The following KAZN variants were observed in gnomAD, a reference collection of about 807,000 sequenced individuals.
KAZN encodes the protein kazrin, periplakin interacting protein.
KAZN carries 40 observed loss-of-function variants against 87.4 expected under a neutral mutation model. The ratio of observed to expected loss-of-function variants is 0.46; its 90% CI spans 0.36 to 0.60. The LOEUF is 0.60. Among genes scored for constraint, KAZN ranks in the 20% least tolerant of loss-of-function variants. The probability of loss-of-function intolerance (pLI) is 0.00; values close to 1 mark genes in which losing one functional copy is unlikely to be tolerated. For synonymous variants in KAZN, 466 were observed against 458.3 expected (o/e 1.02, Z -0.22); for missense variants, 898 against 1,073.9 (o/e 0.84, Z 2.29).
At chr1:14,560,069 C>G (rs1674159672) in intron 2 of KAZN, among the ~76,000 whole-genome samples, 1 of 152,154 alleles carries the variant, frequency 6.6e-6, no homozygotes, top group South Asian at 2.1e-4. Flanking sequence ...GGTGAATGGC[C>G]TTTCTTTAAT....
intron 1 of KAZN, among the ~76,000 whole-genome samples, chr1:14,806,845 T>C (rs1445515216): frequency 1.3e-5 from 2 of 152,152 alleles, no homozygotes; most frequent in Non-Finnish European, 2.9e-5. Flanking sequence ...TGGGTAACAT[T>C]TGTACCCACT....
chr1:14,049,233 G>A (rs866855334), intron 1 of KAZN, among the ~76,000 whole-genome samples: 13 of 151,782 alleles, frequency 8.6e-5, no homozygotes, highest in South Asian at 6.2e-4. Context: ...ACCAAACACC[G>A]CATGTTCTCA....
chr1:14,008,592 G>A (rs1267337480), intron 1 of KAZN, among the ~76,000 whole-genome samples: 4 of 152,184 alleles, frequency 2.6e-5, no homozygotes, highest in Non-Finnish European at 5.9e-5. Context: ...AAAGTTCAGT[G>A]GGATGGGCAA....
At chr1:14,625,677 T>C (rs1349957061) in intron 1 of KAZN, among the ~76,000 whole-genome samples, 2 of 152,222 alleles carry the variant, frequency 1.3e-5, no homozygotes, top group African/African-American at 2.4e-5. Flanking sequence ...ATGTGAAACT[T>C]CAATTATCAT....
rs1164220991 is a variant in KAZN, at chr1:14,949,086, G to C, written c.227-11598G>C. On this transcript the variant is annotated intron_variant, in intron 1 of 14. Transcript: ENST00000376030. The surrounding 1 kb of genome is among the most constrained non-coding windows in gnomAD (Gnocchi z 4.3). ...TCAGGGCACTTGAACCCAGGAGGCG[G>C]AGGTTGCAGTGAGCCAAGATCATGC... Among the ~76,000 whole-genome samples, 1 of 151,720 alleles carries C rather than the reference G, an allele frequency of 6.6e-6. No individual in the cohort carries two copies. Among genetic ancestry groups the C allele is most frequent in the South Asian group, 2.1e-4 (1 of 4,812 alleles).
intron 1 of KAZN, among the ~76,000 whole-genome samples, chr1:14,069,953 G>A (rs943229203): frequency 6.6e-6 from 1 of 151,904 alleles, no homozygotes; most frequent in East Asian, 1.9e-4. Context: ...GGCGGATCAC[G>A]AGGTCAGGAG....
At chr1:14,276,884 A>AT (rs1652399476) in intron 2 of KAZN, among the ~76,000 whole-genome samples, 1 of 152,172 alleles carries the variant, frequency 6.6e-6, no homozygotes, top group Non-Finnish European at 1.5e-5. Flanking sequence ...GTCATGCTGA[A>AT]TTTTTTAAAT....
At chr1:14,928,398 G>A (rs1157918416) in intron 1 of KAZN, among the ~76,000 whole-genome samples, 2 of 151,178 alleles carry the variant, frequency 1.3e-5, no homozygotes, top group African/African-American at 2.4e-5. Context: ...GCAGTGAACC[G>A]AGATCGTGCC....
intron 1 of KAZN, among the ~76,000 whole-genome samples, chr1:14,014,432 C>T (rs1274565771): frequency 1.3e-5 from 2 of 152,068 alleles, no homozygotes; most frequent in African/African-American, 4.8e-5. Flanking sequence ...GGAGAGGATG[C>T]CTGGATACTT....
At chr1:14,163,678 A>C (rs1645760143) in intron 1 of KAZN, among the ~76,000 whole-genome samples, 1 of 152,114 alleles carries the variant, frequency 6.6e-6, no homozygotes, top group African/African-American at 2.4e-5. Context: ...TTTTAGTGAG[A>C]GAGTTTAACA....
At chr1:13,992,774 C>T (rs1330252496) in intron 1 of KAZN, among the ~76,000 whole-genome samples, 8 of 152,062 alleles carry the variant, frequency 5.3e-5, no homozygotes, top group African/African-American at 4.8e-5. Flanking sequence ...TGTGGTCATC[C>T]GAGGGCTGCT....
chr1:15,063,629 G>T lies in KAZN; in HGVS notation c.1098+7G>T, dbSNP rs776501734. On this transcript the variant is annotated splice_region_variant and intron_variant, in intron 7 of 14. Coordinates refer to ENST00000376030, the MANE Select transcript of KAZN (RefSeq NM_201628.3). The stretch of plus-strand genomic sequence containing the variant: ...GCACAACCCTATTGTACAGGTAGGT[G>T]TGCCCTCCCTGGCCACTTGAACCCT... 6.2e-7 allele frequency: 1 copy of T among 1,611,612 alleles called. No homozygotes were observed. Among genetic ancestry groups the T allele is most frequent in the South Asian group, 1.1e-5 (1 of 91,032 alleles).
intron 1 of KAZN, among the ~76,000 whole-genome samples, chr1:14,842,877 G>C (rs1057138355): frequency 3.9e-5 from 6 of 152,128 alleles, no homozygotes; most frequent in Admixed American, 3.3e-4. Context: ...CAGCTCCCTG[G>C]AGTCAAGGAC....
At chr1:14,314,474 C>A (rs1557633893) in intron 2 of KAZN, among the ~76,000 whole-genome samples, 2 of 152,078 alleles carry the variant, frequency 1.3e-5, no homozygotes, top group African/African-American at 2.4e-5. Flanking sequence ...ACATGAGATT[C>A]CTGTTGGCTT....
At chr1:14,667,900 C>T (rs1191172934) in intron 1 of KAZN, among the ~76,000 whole-genome samples, 2 of 152,022 alleles carry the variant, frequency 1.3e-5, no homozygotes, top group African/African-American at 4.8e-5. Context: ...TGAAGCCAAA[C>T]CGGAACAAAA....
At chr1:13,905,909 C>G (rs1217952343) in intron 1 of KAZN, among the ~76,000 whole-genome samples, 1 of 152,176 alleles carries the variant, frequency 6.6e-6, no homozygotes, top group African/African-American at 2.4e-5. Flanking sequence ...ATCAGTATCT[C>G]TGGACTGAAA....
At chr1:14,547,026 A>G (rs1288871627) in intron 2 of KAZN, among the ~76,000 whole-genome samples, 1 of 152,186 alleles carries the variant, frequency 6.6e-6, no homozygotes, top group Non-Finnish European at 1.5e-5. Context: ...ACAGAATCCA[A>G]GCTTAAATCA....
chr1:14,313,308 CAT>C (rs1557633199), intron 2 of KAZN, among the ~76,000 whole-genome samples: 1 of 152,134 alleles, frequency 6.6e-6, no homozygotes, highest in Non-Finnish European at 1.5e-5. Flanking sequence ...TAAATAGAAT[CAT>C]GTGTACTCTT....
intron 2 of KAZN, among the ~76,000 whole-genome samples, chr1:14,306,655 C>A (rs2027316): frequency 6.6e-6 from 1 of 152,000 alleles, no homozygotes; most frequent in African/African-American, 2.4e-5. Flanking sequence ...GGCCCCAACC[C>A]CTGACCACAG....
Sources: gnomAD v4.1 joint callset for allele counts (sites outside exome capture counted in the v4.1 genomes callset) on GRCh38, gnomAD v4.1.1 for gene constraint, Gnocchi (gnomAD v3.1) non-coding constraint, MANE v1.5 for transcripts, NCBI Gene and HGNC (gene_info 2026-07-23, HGNC 2026-07-21) for gene names.